The following CATSPER3 variants were observed in gnomAD, a reference collection of about 807,000 sequenced individuals.
The protein encoded by CATSPER3 is cation channel sperm associated 3, also known as cation channel sperm-associated protein 3.
A neutral mutation model predicts 36.6 loss-of-function variants in CATSPER3; 23 were observed. That is an observed-to-expected ratio of 0.63 (90% CI 0.45 to 0.89). The LOEUF is 0.89. CATSPER3 is among the 40% of genes least tolerant of loss of function. The probability of loss-of-function intolerance (pLI) is 0.00; values close to 1 mark genes in which losing one functional copy is unlikely to be tolerated. For missense variants in CATSPER3, 474 were observed against 503.9 expected, an observed-to-expected ratio of 0.94 and a Z score of 0.57; for synonymous variants, 172 against 184.1, an observed-to-expected ratio of 0.93 and a Z score of 0.53.
chr5:135,006,555 G>A (rs563833184), intron 3 of CATSPER3, among the ~76,000 whole-genome samples: 6 of 152,126 alleles, frequency 3.9e-5, no homozygotes, highest in Admixed American at 2.0e-4. Flanking sequence ...AAAAAATATC[G>A]GCTGGGCGCC....
At chr5:134,973,877 G>C (rs916801338) in intron 2 of CATSPER3, among the ~76,000 whole-genome samples, 1 of 152,146 alleles carries the variant, frequency 6.6e-6, no homozygotes, top group Non-Finnish European at 1.5e-5. Context: ...ATGATAAGGA[G>C]CTAATCCTTT....
chr5:134,980,421 TTTTC>T (rs1200482705), intron 2 of CATSPER3, among the ~76,000 whole-genome samples: 99 of 149,672 alleles, frequency 6.6e-4, no homozygotes, highest in Non-Finnish European at 1.0e-3. Context: ...TCCTTTCTTT[TTTTC>T]TTTCTTTCTT....
At chr5:135,005,361 G>A (rs942765167) in intron 3 of CATSPER3, among the ~76,000 whole-genome samples, 1 of 152,182 alleles carries the variant, frequency 6.6e-6, no homozygotes, top group Non-Finnish European at 1.5e-5. Context: ...TGGCCTCATG[G>A]TTTTTCTGTC....
intron 2 of CATSPER3, among the ~76,000 whole-genome samples, chr5:134,993,546 C>T (rs923785755): frequency 3.3e-5 from 5 of 151,836 alleles, no homozygotes; most frequent in South Asian, 2.1e-4. Context: ...CTTCATGAGA[C>T]GATCAAGATA....
intron 2 of CATSPER3, among the ~76,000 whole-genome samples, chr5:134,994,667 G>C (rs963899220): frequency 4.6e-5 from 7 of 152,078 alleles, no homozygotes; most frequent in Non-Finnish European, 8.8e-5. Context: ...ATCCTCTGAG[G>C]CTGAGATTAA....
At chr5:135,006,828 T>C in intron 3 of CATSPER3, among the ~76,000 whole-genome samples, 1 of 99,348 alleles carries the variant, frequency 1.0e-5, no homozygotes, top group African/African-American at 4.5e-5. Flanking sequence ...ACAGAGCGAC[T>C]CCGTCTCGAA....
chr5:134,980,641 G>C (rs921796798), intron 2 of CATSPER3, among the ~76,000 whole-genome samples: 3 of 151,632 alleles, frequency 2.0e-5, no homozygotes, highest in Non-Finnish European at 4.4e-5. Context: ...ATGTTGGCCA[G>C]GATGGTCTCA....
intron 2 of CATSPER3, among the ~76,000 whole-genome samples, chr5:134,972,043 C>T (rs979210529): frequency 2.6e-5 from 4 of 152,120 alleles, no homozygotes. Flanking sequence ...GAGATAAAGT[C>T]TCATACACAA....
intron 2 of CATSPER3, among the ~76,000 whole-genome samples, chr5:134,980,665 A>G (rs1751739531): frequency 6.6e-6 from 1 of 151,486 alleles, no homozygotes. Context: ...TCCTGACCTC[A>G]TGATCCTCCC....
chr5:135,008,703 C>T, intron 4 of CATSPER3, 138 bp from the exon 5 acceptor site: 1 of 738,262 alleles, frequency 1.4e-6, no homozygotes, highest in South Asian at 1.5e-5. Flanking sequence ...AGCCAGTGGA[C>T]TGGGAGGTGT....
At chr5:135,002,974 A>G (rs1752040955) in intron 3 of CATSPER3, among the ~76,000 whole-genome samples, 1 of 152,202 alleles carries the variant, frequency 6.6e-6, no homozygotes, top group Non-Finnish European at 1.5e-5. Context: ...TTCTCCATCC[A>G]GCTTTGTTCC....
At chr5:135,001,630 A>G (rs1160741523) in intron 3 of CATSPER3, among the ~76,000 whole-genome samples, 1 of 152,164 alleles carries the variant, frequency 6.6e-6, no homozygotes, top group East Asian at 1.9e-4. Flanking sequence ...GACTTGCTTT[A>G]TGAATCTGGG....
intron 2 of CATSPER3, among the ~76,000 whole-genome samples, chr5:134,981,781 A>G (rs983628995): frequency 3.3e-5 from 5 of 152,136 alleles, no homozygotes; most frequent in Admixed American, 1.3e-4. Flanking sequence ...ATGAACAGAA[A>G]CTCTTCCTGA....
chr5:134,996,409 C>A lies in CATSPER3; in HGVS notation c.389C>A (p.Ala130Asp), dbSNP rs1444904551. 11 of 1,614,104 alleles carry A rather than the reference C, an allele frequency of 6.8e-6. No homozygotes were observed. The highest frequency in any genetic ancestry group is 9.3e-6 in the Non-Finnish European group (11 of 1,180,034). ...ATCATCGTTATGTTTTTACCCTATG[C>A]CCTCCGCCAGCTCATGGGCAAACAG... is the stretch of plus-strand genomic sequence containing the variant. ...IIIIVMFLPY[A>D]LRQLMGKQFT... is the part of the protein sequence containing the mutation. Residue 130 changes from alanine (A) to aspartate (D), a missense_variant, in exon 3 of 8, where the codon GCC becomes GAC. Transcript: ENST00000282611.
At position 135,002,859 on chromosome 5, in the gene CATSPER3, C is replaced by A. The variant is rs1010263490; in HGVS notation, c.493-5098C>A. On this transcript the variant is annotated intron_variant, in intron 3 of 7. Transcript: ENST00000282611. ...TATTCTAGTTAGCCATTTGTCTAAT[C>A]TTTTTTCAAGGTTTTTAGCTTCTTT... Among the ~76,000 whole-genome samples, 4 of 152,160 alleles carry A rather than the reference C, an allele frequency of 2.6e-5. No individual in the cohort carries two copies. In the East Asian group the frequency reaches 5.8e-4, roughly 22 times the overall value.
At chr5:134,989,532 A>G (rs916699602) in intron 2 of CATSPER3, among the ~76,000 whole-genome samples, 1 of 152,184 alleles carries the variant, frequency 6.6e-6, no homozygotes, top group Non-Finnish European at 1.5e-5. Context: ...TGTGGAGATA[A>G]GTTATTTTCT....
rs2149549690 is a variant in CATSPER3, at chr5:134,992,132, A to T, written c.253-4141A>T. Among the ~76,000 whole-genome samples, 3 of 152,206 alleles carry T rather than the reference A, an allele frequency of 2.0e-5. No homozygotes were observed. In the East Asian group the frequency reaches 5.8e-4, roughly 29 times the overall value. ...GCAAGACCCTGTTTTGAAAAAAAAA[A>T]AAAGTGAAAAGACAATCCATAGAAT... On this transcript the variant is annotated intron_variant, in intron 2 of 7. Coordinates refer to ENST00000282611, the MANE Select transcript of CATSPER3 (RefSeq NM_178019.3).
intron 2 of CATSPER3, among the ~76,000 whole-genome samples, chr5:134,976,993 G>A (rs1378512754): frequency 6.6e-6 from 1 of 152,214 alleles, no homozygotes; most frequent in Non-Finnish European, 1.5e-5. Flanking sequence ...CCTGGGCCTG[G>A]CCCCAGAAAT....
chr5:134,996,501 C>G lies in CATSPER3; in HGVS notation c.481C>G (p.Gln161Glu), dbSNP rs1344194025. Residue 161 changes from glutamine to glutamate, a missense_variant, in exon 3 of 8, where the codon CAG (glutamine) becomes GAG (glutamate). Gln to Glu is a conservative substitution (Grantham distance 29, BLOSUM62 2). Transcript: ENST00000282611. ...LRILKLIGYS[Q>E]GIRTLITAVG... ...CATCCTCAAGCTTATCGGCTATAGCCAGGGCATCCGGGTGAGTGCACTGGG... is the reference window on the plus strand; with the variant it reads ...CATCCTCAAGCTTATCGGCTATAGCGAGGGCATCCGGGTGAGTGCACTGGG... 4 of 1,614,148 alleles carry G rather than the reference C, an allele frequency of 2.5e-6. No individual in the cohort carries two copies. The highest frequency in any genetic ancestry group is 3.4e-6 in the Non-Finnish European group (4 of 1,180,038).
Sources: allele counts gnomAD v4.1 joint callset (sites outside exome capture counted in the v4.1 genomes callset), GRCh38; gene constraint gnomAD v4.1.1; transcripts MANE v1.5; gene names NCBI Gene and HGNC (gene_info 2026-07-23, HGNC 2026-07-21).